The following RNF13 variants were observed in gnomAD, a reference collection of about 807,000 sequenced individuals.
RNF13 encodes the protein ring finger protein 13, also known as E3 ubiquitin-protein ligase RNF13.
RNF13 carries 19 observed loss-of-function variants against 37.7 expected under a neutral mutation model. The observed-to-expected ratio is 0.50, with a 90% confidence interval of 0.35 to 0.74. RNF13 has a LOEUF of 0.74. Ranked by LOEUF, RNF13 falls within the 30% of genes least tolerant of loss-of-function variation. RNF13 has a pLI of 0.01. For missense variants in RNF13, 375 were observed against 453.0 expected, an observed-to-expected ratio of 0.83 and a Z score of 1.56; for synonymous variants, 144 against 157.8, an observed-to-expected ratio of 0.91 and a Z score of 0.65.
intron 4 of RNF13, among the ~76,000 whole-genome samples, chr3:149,884,595 T>C (rs909143794): frequency 6.6e-6 from 1 of 152,156 alleles, no homozygotes; most frequent in Non-Finnish European, 1.5e-5. Flanking sequence ...ATCTACATTT[T>C]TTTTTAGTTT....
chr3:149,911,393 C>A (rs1716983401), intron 6 of RNF13, among the ~76,000 whole-genome samples: 1 of 152,302 alleles, frequency 6.6e-6, no homozygotes, highest in African/African-American at 2.4e-5. Context: ...CGTGGTGGCT[C>A]ACGCCTGTAA....
chr3:149,817,273 T>G (rs973395158), intron 1 of RNF13: 6 of 152,202 alleles, frequency 3.9e-5, no homozygotes, highest in African/African-American at 1.4e-4. Flanking sequence ...GATGCACCCA[T>G]TATTTTTCCC....
chr3:149,817,948 GTTTCC>G (rs1297503062), intron 1 of RNF13, among the ~76,000 whole-genome samples: 1 of 152,182 alleles, frequency 6.6e-6, no homozygotes, highest in Non-Finnish European at 1.5e-5. Flanking sequence ...AGGACTGTAG[GTTTCC>G]TTTCTTGGAA....
chr3:149,876,764 A>G (rs548308773), intron 4 of RNF13, among the ~76,000 whole-genome samples: 1 of 144,958 alleles, frequency 6.9e-6, no homozygotes, highest in East Asian at 2.0e-4. Flanking sequence ...GGTAGAAGTC[A>G]TCATATCTTT....
At chr3:149,837,115 A>T (rs1453328574) in intron 1 of RNF13, among the ~76,000 whole-genome samples, 4 of 152,218 alleles carry the variant, frequency 2.6e-5, no homozygotes, top group Non-Finnish European at 5.9e-5. Context: ...TGTATACTTT[A>T]AAATTTTTTA....
At chr3:149,907,179 GT>G (rs1716505673) in intron 6 of RNF13, among the ~76,000 whole-genome samples, 2 of 152,184 alleles carry the variant, frequency 1.3e-5, no homozygotes, top group Middle Eastern at 3.4e-3. Context: ...GTTGATGGCA[GT>G]TTTTTCATAT....
At chr3:149,869,746 G>C (rs1711797979) in intron 3 of RNF13, among the ~76,000 whole-genome samples, 1 of 151,878 alleles carries the variant, frequency 6.6e-6, no homozygotes, top group African/African-American at 2.4e-5. Context: ...TGAAAGATTA[G>C]TTATTTATTC....
At chr3:149,833,118 C>CTCTTT (rs1306537184) in intron 1 of RNF13, among the ~76,000 whole-genome samples, 3 of 111,904 alleles carry the variant, frequency 2.7e-5, no homozygotes, top group Non-Finnish European at 5.2e-5. Context: ...CTCTCTCTCT[C>CTCTTT]TTTTTTTTTT....
intron 4 of RNF13, among the ~76,000 whole-genome samples, chr3:149,879,408 A>G (rs934761533): frequency 6.0e-5 from 9 of 150,352 alleles, no homozygotes; most frequent in African/African-American, 2.2e-4. Flanking sequence ...CCTGGGGCTC[A>G]GGCGATCCTT....
intron 7 of RNF13, among the ~76,000 whole-genome samples, chr3:149,920,848 T>G (rs536323426): frequency 8.4e-4 from 128 of 151,674 alleles, no homozygotes; most frequent in Non-Finnish European, 1.5e-3. Context: ...GTTTACCATT[T>G]GTATTTTTGC....
intron 1 of RNF13, among the ~76,000 whole-genome samples, chr3:149,837,064 A>C (rs540072112): frequency 6.6e-6 from 1 of 152,318 alleles, no homozygotes; most frequent in East Asian, 1.9e-4. Context: ...GATTGTGGTA[A>C]TATTTGCACA....
At chr3:149,823,980 G>A (rs188412041) in intron 1 of RNF13, among the ~76,000 whole-genome samples, 331 of 152,204 alleles carry the variant, frequency 2.2e-3, no homozygotes, top group African/African-American at 7.5e-3. Context: ...TCAGGGCTGG[G>A]GCAGGAAAAG....
chr3:149,824,588 A>G (rs1410955837), intron 1 of RNF13, among the ~76,000 whole-genome samples: 1 of 152,214 alleles, frequency 6.6e-6, no homozygotes, highest in Non-Finnish European at 1.5e-5. Context: ...ACATACATGA[A>G]TAATATCCTA....
At chr3:149,911,595 G>T (rs1364780157) in intron 6 of RNF13, among the ~76,000 whole-genome samples, 1 of 151,972 alleles carries the variant, frequency 6.6e-6, no homozygotes, top group African/African-American at 2.4e-5. Context: ...GGAGGTGGAG[G>T]TTGCAGTGAG....
At chr3:149,904,694 A>G (rs749338818) in intron 6 of RNF13, among the ~76,000 whole-genome samples, 23 of 152,192 alleles carry the variant, frequency 1.5e-4, no homozygotes, top group Non-Finnish European at 2.5e-4. Context: ...CAGTGAAACA[A>G]TGTATATTCA....
chr3:149,881,339 G>GTT (rs200387238), intron 4 of RNF13, among the ~76,000 whole-genome samples: 1 of 150,750 alleles, frequency 6.6e-6, no homozygotes, highest in African/African-American at 2.4e-5. Context: ...AAAGATCTTT[G>GTT]TTTTTTTTTG....
chr3:149,868,049 A>G (rs1559917612), intron 3 of RNF13, among the ~76,000 whole-genome samples: 1 of 151,964 alleles, frequency 6.6e-6, no homozygotes, highest in Non-Finnish European at 1.5e-5. Context: ...GGAAAATGAA[A>G]AAAAATCTTC....
At chr3:149,813,917 T>C (rs1576697164) in intron 1 of RNF13, 1 of 152,308 alleles carries the variant, frequency 6.6e-6, no homozygotes, top group East Asian at 1.9e-4. Flanking sequence ...TAAATAACTT[T>C]GTCCCAGAGA....
intron 8 of RNF13, among the ~76,000 whole-genome samples, chr3:149,956,576 T>G (rs1721888290): frequency 6.6e-6 from 1 of 152,216 alleles, no homozygotes; most frequent in South Asian, 2.1e-4. Flanking sequence ...ACAATCTAAG[T>G]TCTGTCCAGC....
Sources: allele counts gnomAD v4.1 joint callset (sites outside exome capture counted in the v4.1 genomes callset), GRCh38; gene constraint gnomAD v4.1.1; transcripts MANE v1.5; gene names NCBI Gene and HGNC (gene_info 2026-07-23, HGNC 2026-07-21).